TDRD6: variants seen among roughly 807,000 people sequenced by gnomAD.
TDRD6 encodes tudor domain containing 6.
A neutral mutation model predicts 157.5 loss-of-function variants in TDRD6; 186 were observed. The ratio of observed to expected loss-of-function variants is 1.18; its 90% CI spans 1.05 to 1.33. The LOEUF (loss-of-function observed/expected upper bound fraction) is 1.33. Ranked by LOEUF, TDRD6 falls within the 40% of genes most tolerant of loss-of-function variation. The pLI is 0.00. For synonymous variants in TDRD6, 1,075 were observed against 945.2 expected (o/e 1.14, Z -2.52); for missense variants, 3,066 against 2,508.0 (o/e 1.22, Z -4.75).
intron 3 of TDRD6, among the ~76,000 whole-genome samples, chr6:46,701,457 GT>G (rs1562062676): frequency 6.6e-6 from 1 of 151,914 alleles, no homozygotes; most frequent in Non-Finnish European, 1.5e-5. Flanking sequence ...GCACATTCTT[GT>G]TCATAAATAA....
upstream of TDRD6, among the ~76,000 whole-genome samples, chr6:46,684,013 T>G (rs549412374): frequency 3.2e-4 from 49 of 152,238 alleles, no homozygotes; most frequent in African/African-American, 1.1e-3. Flanking sequence ...TTATATCCAT[T>G]TTCAGATATG....
At position 46,697,980 on chromosome 6, in the gene TDRD6, A is replaced by G; in HGVS notation, c.6172-18A>G. On this transcript the variant is annotated intron_variant, in intron 2 of 3. Coordinates refer to ENST00000316081, the MANE Select transcript of TDRD6 (RefSeq NM_001010870.3). ...TTTTTGAATTGGACACTTTAAAAAA[A>G]TTTGTTTTCTCCTGTAGGTTTTGAA... The G allele has an allele frequency of 6.5e-7, 1 of 1,538,628 alleles. No homozygotes were observed. The highest frequency in any genetic ancestry group is 8.8e-7 in the Non-Finnish European group (1 of 1,132,658).
At position 46,689,027 on chromosome 6, in the gene TDRD6, G is replaced by A. The variant is rs987199229; in HGVS notation, c.899G>A (p.Ser300Asn). The change falls in exon 1 of 4, where the codon AGT becomes AAT. Residue 300 changes from serine (S) to asparagine (N), a missense_variant. Physicochemically the swap from Ser to Asn is conservative, Grantham distance 46 (BLOSUM62 1). Transcript: ENST00000316081. ...STGTGDENST[S>N]ATWEEREESP... is the part of the protein sequence containing the mutation. ...GGGACAGGGGATGAGAACTCTACCAGTGCCACCTGGGAGGAGAGGGAGGAG... is the reference window on the plus strand; with the variant it reads ...GGGACAGGGGATGAGAACTCTACCAATGCCACCTGGGAGGAGAGGGAGGAG... 1.9e-6 allele frequency: 3 copies of A among 1,613,990 alleles called. No homozygotes were observed. The highest frequency in any genetic ancestry group is 2.5e-6 in the Non-Finnish European group (3 of 1,179,880).
rs1042075403 is a variant in TDRD6, at chr6:46,703,659, T to C, written c.*1772T>C. The C allele has an allele frequency of 7.9e-5, 12 of 152,142 alleles. No homozygotes were observed. Among genetic ancestry groups the C allele is most frequent in the African/African-American group, 2.7e-4 (11 of 41,460 alleles). The allele number at this position is 152,142 out of a possible 1,614,324, so 9.4% of individuals were successfully genotyped here. A position where few individuals can be genotyped will look rare whatever the true frequency, so the allele number is the denominator to read the frequency against. On this transcript the variant is annotated 3_prime_UTR_variant, in exon 4 of 4. Transcript: ENST00000316081. ...TTCCCATATTTATAAGTATAAATTCTTAAGCTATATTTTTACCTCCATTTA... is the reference window on the plus strand; with the variant it reads ...TTCCCATATTTATAAGTATAAATTCCTAAGCTATATTTTTACCTCCATTTA...
Position 46,691,448 on chromosome 6 carries a change from T to C in TDRD6, c.3320T>C (p.Ile1107Thr), listed in dbSNP as rs376938480. 1.2e-5 allele frequency: 19 copies of C among 1,613,994 alleles called. No homozygotes were observed. Among genetic ancestry groups the C allele is most frequent in the Non-Finnish European group, 1.5e-5 (18 of 1,179,976 alleles). ...RCSLSDIPDH[I>T]PEEVVVWFQE... is the part of the protein sequence containing the mutation. ...TCATTATCTGATATTCCTGATCATA[T>C]ACCAGAAGAAGTGGTGGTGTGGTTT... Residue 1107 changes from isoleucine to threonine, a missense_variant, in exon 1 of 4, where the codon ATA becomes ACA. By Grantham distance (89) the Ile-to-Thr change is moderately conservative. Coordinates refer to ENST00000316081, the MANE Select transcript of TDRD6 (RefSeq NM_001010870.3).
At chr6:46,697,191 G>A (rs1028891577) in intron 2 of TDRD6, among the ~76,000 whole-genome samples, 4 of 151,922 alleles carry the variant, frequency 2.6e-5, no homozygotes, top group Non-Finnish European at 1.5e-5. Flanking sequence ...TTGCTCTTTC[G>A]ATATATTTAA....
intron 3 of TDRD6, among the ~76,000 whole-genome samples, chr6:46,699,388 C>T (rs751529630): frequency 5.3e-5 from 8 of 152,154 alleles, no homozygotes; most frequent in Admixed American, 1.3e-4. Context: ...GGTCATCTCT[C>T]ACATTTGTAG....
Position 46,693,057 on chromosome 6 carries a change from A to G in TDRD6, c.4929A>G (p.Glu1643=). 6.2e-7 allele frequency: 1 copy of G among 1,613,898 alleles called. No homozygotes were observed. The highest frequency in any genetic ancestry group is 8.5e-7 in the Non-Finnish European group (1 of 1,179,950). ...GCCTCTCAGGGTTTAACATTTCAGA[A>G]GGATTATGTTCTCAAGAGGGAAATG... ...PCCLSGFNIS[E]GLCSQEGNDY... is the part of the protein sequence containing the mutation. The change falls in exon 1 of 4, where the codon GAA becomes GAG. Residue 1643 remains glutamate (E), a synonymous_variant. Coordinates refer to ENST00000316081, the MANE Select transcript of TDRD6 (RefSeq NM_001010870.3).
At position 46,690,263 on chromosome 6, in the gene TDRD6, G is replaced by GA; in HGVS notation, c.2136dup (p.Glu713ArgfsTer3). On this transcript the variant is annotated frameshift_variant, in exon 1 of 4. Transcript: ENST00000316081. LOFTEE classifies it high-confidence loss of function. The stretch of plus-strand genomic sequence containing the variant: ...GGAGAAGGAGAGCAGAAAGCCAAGA[G>GA]AGAGAATAAAACCACATCTGTTTCA... 6.2e-7 allele frequency: 1 copy of GA among 1,613,798 alleles called. No individual in the cohort carries two copies. The highest frequency in any genetic ancestry group is 8.5e-7 in the Non-Finnish European group (1 of 1,180,026).
rs1419194078 is a variant in TDRD6 at position 46,690,842 on chromosome 6, C to T, written c.2714C>T (p.Ala905Val). ...PFVWDVKAIQ[A>V]FNEFIDNAWQ... ...GTTTGGGATGTAAAGGCAATACAAGCTTTCAATGAATTTATAGATAATGCA... is the reference window on the plus strand; with the variant it reads ...GTTTGGGATGTAAAGGCAATACAAGTTTTCAATGAATTTATAGATAATGCA... The change falls in exon 1 of 4, where the codon GCT becomes GTT. Residue 905 changes from alanine to valine, a missense_variant. Physicochemically the swap from Ala to Val is moderately conservative, Grantham distance 64 (BLOSUM62 0). Transcript: ENST00000316081. 2 of 1,613,610 alleles carry T rather than the reference C, an allele frequency of 1.2e-6. No individual in the cohort carries two copies. Among genetic ancestry groups the T allele is most frequent in the East Asian group, 2.2e-5 (1 of 44,886 alleles).
intron 1 of TDRD6, 112 bp downstream of exon 1, chr6:46,694,286 T>G (rs1764436713): frequency 1.4e-6 from 1 of 721,650 alleles, no homozygotes; most frequent in African/African-American, 1.8e-5. Context: ...CACTGCAGCC[T>G]CTGCCTCCCA....
Position 46,689,505 on chromosome 6 carries a change from A to ATCTCAG in TDRD6, c.1388_1393dup (p.Gln463_Ser464dup), listed in dbSNP as rs528105328. 75 of 1,614,020 alleles carry ATCTCAG rather than the reference A, an allele frequency of 4.6e-5. No homozygotes were observed. In the Middle Eastern group the frequency reaches 9.9e-4, roughly 21 times the overall value. ...CAACAGAGGAGGAGGAACCAGAAAC[A>ATCTCAG]TCTCAGTCTCAGTCTCCTGCTGAAG... On this transcript the variant is annotated inframe_insertion, in exon 1 of 4. Transcript: ENST00000316081.
At position 46,688,588 on chromosome 6, in the gene TDRD6, G is replaced by C; in HGVS notation, c.460G>C (p.Ala154Pro). Reference sequence around the variant, plus strand: ...GCCGCCGCAGCACTGGCCCGCCGACGCCGTGGACTTCCTTAGCAACCTTCA... The same window carrying C: ...GCCGCCGCAGCACTGGCCCGCCGACCCCGTGGACTTCCTTAGCAACCTTCA... ...GEPPQHWPADAVDFLSNLQGK... is the reference protein window; with the variant it reads ...GEPPQHWPADPVDFLSNLQGK... Residue 154 changes from alanine (A) to proline (P), a missense_variant, in exon 1 of 4, where the codon GCC (alanine) becomes CCC (proline). Physicochemically the swap from Ala to Pro is conservative, Grantham distance 27. Coordinates refer to ENST00000316081, the MANE Select transcript of TDRD6 (RefSeq NM_001010870.3). 1 of 1,598,590 alleles carries C rather than the reference G, an allele frequency of 6.3e-7. No individual in the cohort carries two copies. The highest frequency in any genetic ancestry group is 8.5e-7 in the Non-Finnish European group (1 of 1,179,458).
At position 46,688,323 on chromosome 6, in the gene TDRD6, C is replaced by T. The variant is rs946357477; in HGVS notation, c.195C>T (p.Ala65=). The T allele has an allele frequency of 1.2e-5, 18 of 1,522,724 alleles. No homozygotes were observed. The highest frequency in any genetic ancestry group is 1.3e-5 in the Non-Finnish European group (15 of 1,140,290). 94.3% of individuals were successfully genotyped at this position (1,522,724 alleles called of 1,614,324 possible). The stretch of plus-strand genomic sequence containing the variant: ...GCGGCCAGTGGGCGCTGGGCAGCGC[C>T]TCGGCCTCGCCCGGCGAGCTGTGCC... ...ATRGQWALGS[A]SASPGELCLV... Residue 65 remains alanine (A), a synonymous_variant, in exon 1 of 4, where the codon GCC becomes GCT. Transcript: ENST00000316081.
Position 46,690,756 on chromosome 6 carries a change from G to A in TDRD6, c.2628G>A (p.Lys876=), listed in dbSNP as rs1198556362. 1 of 1,614,140 alleles carries A rather than the reference G, an allele frequency of 6.2e-7. No homozygotes were observed. Among genetic ancestry groups the A allele is most frequent in the Non-Finnish European group, 8.5e-7 (1 of 1,180,014 alleles). Residue 876 remains lysine (K), a synonymous_variant, in exon 1 of 4, where the codon AAG becomes AAA. Transcript: ENST00000316081. ...TTAGTGAAGAATTTCTGAAGGTTAA[G>A]GCACAGGCTTTTAGGTGCAGTCTTT... is the stretch of plus-strand genomic sequence containing the variant. ...YSISEEFLKV[K]AQAFRCSLYN... is the part of the protein sequence containing the mutation.
At position 46,692,869 on chromosome 6, in the gene TDRD6, G is replaced by A; in HGVS notation, c.4741G>A (p.Asp1581Asn). 1.2e-6 allele frequency: 2 copies of A among 1,614,114 alleles called. No individual in the cohort carries two copies. Among genetic ancestry groups the A allele is most frequent in the Non-Finnish European group, 1.7e-6 (2 of 1,179,998 alleles). The change falls in exon 1 of 4, where the codon GAT becomes AAT. Residue 1581 changes from aspartate to asparagine, a missense_variant. By Grantham distance (23) the Asp-to-Asn change is conservative (BLOSUM62 1). Transcript: ENST00000316081. ...GDPCIVRYRE[D>N]GHYYRALITN... ...TCCTTGTATAGTAAGATACAGAGAA[G>A]ATGGACATTATTATAGGGCACTTAT...
chr6:46,701,466 T>C (rs1210380342), intron 3 of TDRD6, among the ~76,000 whole-genome samples: 6 of 151,878 alleles, frequency 4.0e-5, no homozygotes, highest in Admixed American at 3.9e-4. Context: ...TGTTCATAAA[T>C]AATGCAGTGG....
chr6:46,690,011 A>C lies in TDRD6; in HGVS notation c.1883A>C (p.Glu628Ala). ...TTTAAAAAGACTGTGCTCCACAAAG[A>C]ATTAGTCATCCATATTCTTGATAAA... ...SFFKKTVLHK[E>A]LVIHILDKQD... Residue 628 changes from glutamate to alanine, a missense_variant, in exon 1 of 4, where the codon GAA (glutamate) becomes GCA (alanine). Physicochemically the swap from Glu to Ala is moderately radical, Grantham distance 107. Coordinates refer to ENST00000316081, the MANE Select transcript of TDRD6 (RefSeq NM_001010870.3). 6.2e-7 allele frequency: 1 copy of C among 1,613,878 alleles called. No homozygotes were observed. Among genetic ancestry groups the C allele is most frequent in the South Asian group, 1.1e-5 (1 of 91,050 alleles).
rs1764390667 is a variant in TDRD6, at chr6:46,693,126, A to G, written c.4998A>G (p.Thr1666=). 2 of 1,612,498 alleles carry G rather than the reference A, an allele frequency of 1.2e-6. No homozygotes were observed. The highest frequency in any genetic ancestry group is 1.7e-6 in the Non-Finnish European group (2 of 1,179,492). Residue 1666 remains threonine (T), a synonymous_variant, in exon 1 of 4, where the codon ACA becomes ACG. Coordinates refer to ENST00000316081, the MANE Select transcript of TDRD6 (RefSeq NM_001010870.3). ...TAACAGAAGATGTGTTGGAAATAAC[A>G]ATACTAGAAATCAGAAGGGATGTTT... is the stretch of plus-strand genomic sequence containing the variant. ...EIITEDVLEI[T]ILEIRRDVCD...
Sources: gnomAD v4.1 joint callset for allele counts (sites outside exome capture counted in the v4.1 genomes callset) on GRCh38, gnomAD v4.1.1 for gene constraint, MANE v1.5 for transcripts, NCBI Gene and HGNC (gene_info 2026-07-23, HGNC 2026-07-21) for gene names.